RIMBP2: variants seen among roughly 807,000 people sequenced by gnomAD.
The protein encoded by RIMBP2 is RIMS-binding protein 2.
A neutral mutation model predicts 118.6 loss-of-function variants in RIMBP2; 48 were observed. That is an observed-to-expected ratio of 0.40 (90% CI 0.32 to 0.51). RIMBP2 has a LOEUF of 0.51. Ranked by LOEUF, RIMBP2 falls within the 20% of genes least tolerant of loss-of-function variation. The pLI is 0.41. For synonymous variants in RIMBP2, 762 were observed against 742.9 expected (o/e 1.03, Z -0.42); for missense variants, 1,551 against 1,768.3 (o/e 0.88, Z 2.20).
intron 1 of RIMBP2, among the ~76,000 whole-genome samples, chr12:130,685,932 A>T (rs112639368): frequency 0.033 from 4,966 of 152,078 alleles, 298 homozygotes; most frequent in African/African-American, 0.11. Flanking sequence ...AGGTCCGCCC[A>T]GGCCCGCCCC....
At chr12:130,612,138 C>A (rs1413074910) in intron 2 of RIMBP2, among the ~76,000 whole-genome samples, 1 of 151,976 alleles carries the variant, frequency 6.6e-6, no homozygotes, top group Non-Finnish European at 1.5e-5. Context: ...CGCAAGGTCA[C>A]CTCTCTGGGC....
At chr12:130,401,735 C>T (rs1196491959) in intron 21 of RIMBP2, among the ~76,000 whole-genome samples, 1 of 152,032 alleles carries the variant, frequency 6.6e-6, no homozygotes, top group African/African-American at 2.4e-5. Flanking sequence ...CATCTAAATA[C>T]GAAGACACTC....
intron 21 of RIMBP2, among the ~76,000 whole-genome samples, chr12:130,400,665 A>G (rs920102773): frequency 3.9e-5 from 6 of 152,340 alleles, no homozygotes; most frequent in Non-Finnish European, 5.9e-5. Flanking sequence ...ACACCTGTGC[A>G]GTGAAGGACA....
chr12:130,535,744 T>TATACATATATATAC (rs1555283902), intron 2 of RIMBP2, among the ~76,000 whole-genome samples: 1 of 52,072 alleles, frequency 1.9e-5, no homozygotes, highest in African/African-American at 4.6e-5. Context: ...TATACATATA[T>TATACATATATATAC]ATATATATAT....
intron 11 of RIMBP2, among the ~76,000 whole-genome samples, chr12:130,439,135 GTGTGTATA>G (rs1472991724): frequency 3.9e-5 from 6 of 152,056 alleles, no homozygotes; most frequent in Admixed American, 3.3e-4. Flanking sequence ...TTCTGCGTGT[GTGTGTATA>G]TGTGTGTATG....
intron 16 of RIMBP2, among the ~76,000 whole-genome samples, chr12:130,423,806 T>TG (rs1045967534): frequency 1.3e-5 from 2 of 151,738 alleles, no homozygotes; most frequent in Non-Finnish European, 2.9e-5. Context: ...TAAGGATCCC[T>TG]GTGAACACAA....
chr12:130,578,983 T>C lies in RIMBP2; in HGVS notation c.-217+49339A>G, dbSNP rs11061005. On this transcript the variant is annotated intron_variant, in intron 2 of 22. Coordinates refer to ENST00000690449, the MANE Select transcript of RIMBP2 (RefSeq NM_001393629.1). This position sits in a 1 kb window ranked among gnomAD's most constrained non-coding sequence, Gnocchi z 4.1. Reference sequence around the variant, plus strand: ...AGATGAGAAGTTGTCTCACATCCATTGGTTCAGATTTCAAGGACAAATCAG... The same window carrying C: ...AGATGAGAAGTTGTCTCACATCCATCGGTTCAGATTTCAAGGACAAATCAG... 0.053 allele frequency among the ~76,000 whole-genome samples: 8,059 copies of C among 152,228 alleles called. 371 individuals carry two copies. Among genetic ancestry groups the C allele is most frequent in the East Asian group, 0.2 (1,045 of 5,176 alleles).
rs1266911884 is a variant in RIMBP2 at position 130,397,160 on chromosome 12, G to A, written c.*201C>T. On this transcript the variant is annotated 3_prime_UTR_variant, in exon 23 of 23. Coordinates refer to ENST00000690449, the MANE Select transcript of RIMBP2 (RefSeq NM_001393629.1). ...AATCAGAGCTTGGACAATGAGAGCAGACTGCCAGCGGTGACAGAGAGCAAC... is the reference window on the plus strand; with the variant it reads ...AATCAGAGCTTGGACAATGAGAGCAAACTGCCAGCGGTGACAGAGAGCAAC... 1 of 345,230 alleles carries A rather than the reference G, an allele frequency of 2.9e-6. No homozygotes were observed. The highest frequency in any genetic ancestry group is 4.2e-5 in the East Asian group (1 of 23,702). The allele number at this position is 345,230 out of a possible 1,614,324, so 21.4% of individuals were successfully genotyped here. A position where few individuals can be genotyped will look rare whatever the true frequency, so the allele number is the denominator to read the frequency against.
Position 130,412,613 on chromosome 12 carries a change from G to A in RIMBP2, c.3589+6C>T, listed in dbSNP as rs549402406. 19 of 1,612,962 alleles carry A rather than the reference G, an allele frequency of 1.2e-5. No homozygotes were observed. Among genetic ancestry groups the A allele is most frequent in the South Asian group, 5.5e-5 (5 of 90,966 alleles). On this transcript the variant is annotated splice_donor_region_variant and intron_variant, in intron 19 of 22. Transcript: ENST00000690449. Reference sequence around the variant, plus strand: ...CAGGGAAGGTCGAATAGGGGTTTGCGCTTACCTATTTTCTCCACAGGTGTA... The same window carrying A: ...CAGGGAAGGTCGAATAGGGGTTTGCACTTACCTATTTTCTCCACAGGTGTA...
chr12:130,687,487 A>T (rs1381499000), intron 1 of RIMBP2, among the ~76,000 whole-genome samples: 1 of 152,230 alleles, frequency 6.6e-6, no homozygotes, highest in East Asian at 1.9e-4. Context: ...AAGGAAAACT[A>T]AACAAAGAAG....
chr12:130,591,421 T>G (rs2059256689), intron 2 of RIMBP2, among the ~76,000 whole-genome samples: 1 of 152,238 alleles, frequency 6.6e-6, no homozygotes, highest in Non-Finnish European at 1.5e-5. Context: ...GAAGGCACTG[T>G]TCCAGGGAAT....
intron 2 of RIMBP2, among the ~76,000 whole-genome samples, chr12:130,536,727 T>C (rs1320910316): frequency 6.6e-6 from 1 of 152,190 alleles, no homozygotes; most frequent in African/African-American, 2.4e-5. Context: ...ATGTAGAGCT[T>C]AATTTCCTTC....
At position 130,450,650 on chromosome 12, in the gene RIMBP2, C is replaced by T. The variant is rs1483647611; in HGVS notation, c.505-374G>A. On this transcript the variant is annotated intron_variant, in intron 8 of 22. Coordinates refer to ENST00000690449, the MANE Select transcript of RIMBP2 (RefSeq NM_001393629.1). The surrounding 1 kb of genome is among the most constrained non-coding windows in gnomAD (Gnocchi z 4.8). ...TATGTGCACGACCCCCCAGTGATCC[C>T]ACTCTCACTCCCCCTAGTGCATTCC... Among the ~76,000 whole-genome samples the T allele has an allele frequency of 6.6e-6, 1 of 151,706 alleles. No homozygotes were observed. Among genetic ancestry groups the T allele is most frequent in the East Asian group, 2.0e-4 (1 of 5,126 alleles).
At chr12:130,531,969 A>G (rs71468426) in intron 2 of RIMBP2, among the ~76,000 whole-genome samples, 74 of 76,090 alleles carry the variant, frequency 9.7e-4, no homozygotes, top group East Asian at 5.6e-3. Flanking sequence ...TGAGATGCGT[A>G]TGTTTAGCCT....
Position 130,474,336 on chromosome 12 carries a change from C to T in RIMBP2, c.103-3593G>A, listed in dbSNP as rs1312793424. 2.6e-5 allele frequency among the ~76,000 whole-genome samples: 4 copies of T among 152,206 alleles called. No homozygotes were observed. The East Asian group carries it at 5.8e-4, about 22-fold the overall frequency. ...AATTTATCCTCGGTCATCTTATCTG[C>T]GGGATTTTGACCCTACTGCCCCGAC... is the stretch of plus-strand genomic sequence containing the variant. On this transcript the variant is annotated intron_variant, in intron 5 of 22. Coordinates refer to ENST00000690449, the MANE Select transcript of RIMBP2 (RefSeq NM_001393629.1).
chr12:130,587,574 C>T (rs1445957332), intron 2 of RIMBP2, among the ~76,000 whole-genome samples: 1,378 of 87,362 alleles, frequency 0.016, 37 homozygotes, highest in African/African-American at 0.06. Context: ...TAAACTATCG[C>T]AAGAACAAAA....
At chr12:130,516,293 C>T (rs529583742) in intron 3 of RIMBP2, among the ~76,000 whole-genome samples, 19 of 152,302 alleles carry the variant, frequency 1.2e-4, no homozygotes, top group African/African-American at 4.3e-4. Context: ...TATGCATGGG[C>T]AAAGCTGCAA....
chr12:130,438,555 C>T, intron 11 of RIMBP2, 39 bp from the exon 12 acceptor site: 6 of 1,504,922 alleles, frequency 4.0e-6, no homozygotes, highest in Non-Finnish European at 5.3e-6. Flanking sequence ...GTTCAGGGAC[C>T]AGCCCTGGCA....
At chr12:130,636,246 C>T (rs1201677178) in intron 1 of RIMBP2, among the ~76,000 whole-genome samples, 1 of 152,200 alleles carries the variant, frequency 6.6e-6, no homozygotes, top group African/African-American at 2.4e-5. Flanking sequence ...AGCCCTCCCT[C>T]TAAGACCTTT....
Sources: gnomAD v4.1 joint callset for allele counts (sites outside exome capture counted in the v4.1 genomes callset) on GRCh38, gnomAD v4.1.1 for gene constraint, Gnocchi (gnomAD v3.1) non-coding constraint, MANE v1.5 for transcripts, NCBI Gene and HGNC (gene_info 2026-07-23, HGNC 2026-07-21) for gene names.